Variants in RBM26 observed in about 807,000 individuals in gnomAD.
RBM26 encodes the protein RNA-binding protein 26.
Under a neutral mutation model 123.6 loss-of-function variants are expected in RBM26, and 30 were observed. The observed-to-expected ratio is 0.24, with a 90% CI of 0.18 to 0.33. The LOEUF (loss-of-function observed/expected upper bound fraction) is 0.33, where lower values mean the gene tolerates loss of function less well. RBM26 is among the 10% of genes least tolerant of loss of function. The pLI is 1.00. For missense variants in RBM26, 947 were observed against 1,203.6 expected, an observed-to-expected ratio of 0.79 and a Z score of 3.15; for synonymous variants, 400 against 404.4, an observed-to-expected ratio of 0.99 and a Z score of 0.13.
chr13:79,393,199 T>C (rs1367223682), intron 1 of RBM26, among the ~76,000 whole-genome samples: 4 of 152,144 alleles, frequency 2.6e-5, no homozygotes, highest in African/African-American at 9.7e-5. Flanking sequence ...TGGGTTACCA[T>C]TCAAAAGACA....
At chr13:79,344,158 T>C in intron 16 of RBM26, 90 bp downstream of exon 16, 1 of 838,558 alleles carries the variant, frequency 1.2e-6, no homozygotes, top group South Asian at 1.4e-5. Context: ...CCAATTATAG[T>C]AAATCTTTTT....
chr13:79,322,514 AAAAAT>A (rs750935290), intron 20 of RBM26, 52 bp from the exon 21 acceptor site: 20 of 1,228,266 alleles, frequency 1.6e-5, no homozygotes, highest in Middle Eastern at 3.8e-4. Flanking sequence ...TTCTGAAGAA[AAAAAT>A]AAATGTCATA....
chr13:79,373,460 TATA>T (rs1428474863), intron 3 of RBM26, among the ~76,000 whole-genome samples: 1 of 27,552 alleles, frequency 3.6e-5, no homozygotes, highest in African/African-American at 1.1e-4. Context: ...TATAAATATA[TATA>T]ATATGTATAA....
intron 3 of RBM26, among the ~76,000 whole-genome samples, chr13:79,374,400 T>C (rs1461148860): frequency 1.3e-5 from 2 of 151,914 alleles, no homozygotes; most frequent in Non-Finnish European, 2.9e-5. Flanking sequence ...GAGAGGAGAA[T>C]TGCTTGAACC....
chr13:79,359,593 T>G lies in RBM26; in HGVS notation c.1511A>C (p.Lys504Thr), dbSNP rs1447818335. 1 of 1,584,948 alleles carries G rather than the reference T, an allele frequency of 6.3e-7. No individual in the cohort carries two copies. Among genetic ancestry groups the G allele is most frequent in the East Asian group, 2.3e-5 (1 of 43,762 alleles). ...ACCTTACTTATCAAACCAAGTCTTC[T>G]TTGTAGGAACTCCAGGCTCTCCAGA... The part of the protein sequence containing the change: ...IGSGEPGVPT[K>T]KTWFDKPNFN... The change falls in exon 10 of 22, where the codon AAG (lysine) becomes ACG (threonine). Residue 504 changes from lysine (K) to threonine (T), a missense_variant. Physicochemically the swap from Lys to Thr is moderately conservative, Grantham distance 78. Coordinates refer to ENST00000438737, the MANE Select transcript of RBM26 (RefSeq NM_001366735.2).
intron 1 of RBM26, among the ~76,000 whole-genome samples, chr13:79,403,582 C>A (rs544635853): frequency 6.6e-6 from 1 of 152,320 alleles, no homozygotes; most frequent in South Asian, 2.1e-4. Flanking sequence ...TAATTACACA[C>A]CAGACAGTAG....
intron 20 of RBM26, among the ~76,000 whole-genome samples, chr13:79,332,729 T>C (rs2069637734): frequency 6.6e-6 from 1 of 152,128 alleles, no homozygotes; most frequent in African/African-American, 2.4e-5. Context: ...TCCTTATACA[T>C]TAATCCCTGG....
At chr13:79,356,204 A>G (rs2073958889) in intron 11 of RBM26, among the ~76,000 whole-genome samples, 1 of 152,108 alleles carries the variant, frequency 6.6e-6, no homozygotes, top group African/African-American at 2.4e-5. Context: ...TGGTACAAAT[A>G]ATAATTGAAA....
intron 10 of RBM26, 40 bp from the exon 11 acceptor site, chr13:79,358,473 C>A (rs761392870): frequency 3.3e-6 from 5 of 1,495,344 alleles, no homozygotes; most frequent in Non-Finnish European, 3.7e-6. Flanking sequence ...ATTTATAAAT[C>A]CTGACCCTAA....
intron 11 of RBM26, among the ~76,000 whole-genome samples, chr13:79,357,160 T>C (rs1350345800): frequency 6.6e-6 from 1 of 152,154 alleles, no homozygotes; most frequent in African/African-American, 2.4e-5. Flanking sequence ...GAATAGACAG[T>C]TGAAAGGGAA....
chr13:79,365,103 G>A (rs9318631), intron 9 of RBM26, among the ~76,000 whole-genome samples: 150,232 of 152,290 alleles, frequency 0.99, 74,150 homozygotes, highest in East Asian at 1. Flanking sequence ...GAATTACACA[G>A]TATATTTTCT....
chr13:79,341,701 G>T (rs2071401340), intron 17 of RBM26, among the ~76,000 whole-genome samples: 1 of 151,696 alleles, frequency 6.6e-6, no homozygotes, highest in African/African-American at 2.4e-5. Context: ...AAAGGGAAAG[G>T]GGTCTTTTAT....
At position 79,341,292 on chromosome 13, in the gene RBM26, T is replaced by C. The variant is rs368409637; in HGVS notation, c.2428-65A>G. On this transcript the variant is annotated intron_variant, in intron 17 of 21. Transcript: ENST00000438737. The stretch of plus-strand genomic sequence containing the variant: ...CTATCCTGTATTGATACAAACCTTT[T>C]TAAAGTAACTTTTACGCAGTCCCAT... 3.8e-5 allele frequency: 39 copies of C among 1,026,116 alleles called. No homozygotes were observed. The South Asian group carries it at 4.7e-4, about 12-fold the overall frequency. The allele number at this position is 1,026,116 out of a possible 1,614,324, so 63.6% of individuals were successfully genotyped here. A position where few individuals can be genotyped will look rare whatever the true frequency, so the allele number is the denominator to read the frequency against.
Position 79,378,830 on chromosome 13 carries a change from T to C in RBM26, c.149A>G (p.Lys50Arg). Residue 50 changes from lysine to arginine, a missense_variant, in exon 2 of 22, where the codon AAG becomes AGG. Around this residue, in one of 5 missense-constraint regions of RBM26, gnomAD observed 275 missense variants for 361.0 expected, o/e 0.76. Coordinates refer to ENST00000438737, the MANE Select transcript of RBM26 (RefSeq NM_001366735.2). ...ATCCAGCTGATCAATACATAATGCC[T>C]TTAACTCTTTTTCACTTTTGTCTTT... is the stretch of plus-strand genomic sequence containing the variant. ...VKKDKSEKEL[K>R]ALCIDQLDVF... The C allele has an allele frequency of 1.2e-6, 2 of 1,612,204 alleles. No individual in the cohort carries two copies. Among genetic ancestry groups the C allele is most frequent in the Non-Finnish European group, 1.7e-6 (2 of 1,178,354 alleles).
chr13:79,338,839 G>A (rs2070892239), intron 18 of RBM26, among the ~76,000 whole-genome samples: 1 of 152,170 alleles, frequency 6.6e-6, no homozygotes, highest in Non-Finnish European at 1.5e-5. Flanking sequence ...ACGCATTTAA[G>A]ATACATTTAG....
At chr13:79,338,748 G>A (rs1188283446) in intron 18 of RBM26, among the ~76,000 whole-genome samples, 2 of 152,138 alleles carry the variant, frequency 1.3e-5, no homozygotes, top group East Asian at 3.9e-4. Context: ...AAAAGAAGCT[G>A]GGAAACCATT....
chr13:79,384,014 T>A (rs142877892), intron 1 of RBM26, among the ~76,000 whole-genome samples: 1 of 152,118 alleles, frequency 6.6e-6, no homozygotes, highest in Admixed American at 6.6e-5. Context: ...TTGACCTTCT[T>A]GACACATATG....
rs1190831666 is a variant in RBM26, at chr13:79,320,509, T to C, written c.*112A>G. 8 of 1,267,416 alleles carry C rather than the reference T, an allele frequency of 6.3e-6. No homozygotes were observed. Among genetic ancestry groups the C allele is most frequent in the East Asian group, 3.0e-5 (1 of 33,116 alleles). 78.5% of individuals were successfully genotyped at this position (1,267,416 alleles called of 1,614,324 possible). A position where few individuals can be genotyped will look rare whatever the true frequency, so the allele number is the denominator to read the frequency against. The stretch of plus-strand genomic sequence containing the variant: ...CTTTTTTGTCTATTTGTGAAATCCA[T>C]CTTCATCACATTTTACCAAAAATTG... On this transcript the variant is annotated 3_prime_UTR_variant, in exon 22 of 22. Transcript: ENST00000438737.
intron 19 of RBM26, among the ~76,000 whole-genome samples, chr13:79,334,656 G>A (rs1347306294): frequency 6.6e-6 from 1 of 152,064 alleles, no homozygotes; most frequent in Non-Finnish European, 1.5e-5. Flanking sequence ...CCCAGAATTA[G>A]TAAAACTTAT....
Sources: allele counts gnomAD v4.1 joint callset (sites outside exome capture counted in the v4.1 genomes callset), GRCh38; gene constraint gnomAD v4.1.1; regional missense constraint gnomAD v4.1.1; transcripts MANE v1.5; gene names NCBI Gene and HGNC (gene_info 2026-07-23, HGNC 2026-07-21).